Variants in RPH3A observed in about 807,000 individuals in gnomAD.
The protein encoded by RPH3A is rabphilin-3A.
Under a neutral mutation model 102.2 loss-of-function variants are expected in RPH3A, and 48 were observed. That is an observed-to-expected ratio of 0.47 (90% confidence interval 0.37 to 0.60). The LOEUF (loss-of-function observed/expected upper bound fraction) is 0.60, where lower values mean the gene tolerates loss of function less well. Ranked by LOEUF, RPH3A falls within the 20% of genes least tolerant of loss-of-function variation. The pLI, the probability that RPH3A is intolerant of heterozygous loss-of-function variation, is 0.00. For synonymous variants in RPH3A, 310 were observed against 324.3 expected (o/e 0.96, Z 0.47); for missense variants, 781 against 910.1 (o/e 0.86, Z 1.83).
At chr12:112,616,597 T>A (rs1472383255) in intron 1 of RPH3A, among the ~76,000 whole-genome samples, 1 of 152,114 alleles carries the variant, frequency 6.6e-6, no homozygotes, top group Non-Finnish European at 1.5e-5. Flanking sequence ...AGTGGGAGGA[T>A]TAAAAAATAA....
chr12:112,759,230 G>T (rs1474858778), intron 1 of RPH3A, among the ~76,000 whole-genome samples: 1 of 151,702 alleles, frequency 6.6e-6, no homozygotes, highest in Non-Finnish European at 1.5e-5. Flanking sequence ...GTGTGTGTTT[G>T]TGTGTGTGTG....
chr12:112,712,910 TTCTTCTTCTTCTTCC>T lies in RPH3A; in HGVS notation c.-139-79218_-139-79204del, dbSNP rs1302904984. The stretch of plus-strand genomic sequence containing the variant: ...CTTCTTCTTCTTCTTCTTCCTCTTC[TTCTTCTTCTTCTTCC>T]TCTTCTTCTTCTTCTTCTTCTTCTT... On this transcript the variant is annotated intron_variant, in intron 1 of 21. Transcript: ENST00000543106. 7.3e-3 allele frequency among the ~76,000 whole-genome samples: 805 copies of T among 110,388 alleles called. 33 individuals carry two copies. The highest frequency in any genetic ancestry group is 0.028 in the African/African-American group (733 of 26,448). The allele number at this position is 110,388 out of a possible 152,430, so 72.4% of individuals were successfully genotyped here. A position where few individuals can be genotyped will look rare whatever the true frequency, so the allele number is the denominator to read the frequency against.
At chr12:112,893,562 C>G (rs924538668) in intron 19 of RPH3A, 5 of 152,370 alleles carry the variant, frequency 3.3e-5, no homozygotes, top group African/African-American at 1.2e-4. Flanking sequence ...GGGTCTCGCT[C>G]TATTGCCCAG....
At chr12:112,610,454 G>T (rs1013232861) in intron 1 of RPH3A, among the ~76,000 whole-genome samples, 1 of 149,240 alleles carries the variant, frequency 6.7e-6, no homozygotes, top group East Asian at 2.0e-4. Context: ...AGGGAGCAGA[G>T]GTTGCACTAC....
At chr12:112,632,045 G>A (rs887163018) in intron 1 of RPH3A, among the ~76,000 whole-genome samples, 4 of 152,040 alleles carry the variant, frequency 2.6e-5, no homozygotes, top group Non-Finnish European at 5.9e-5. Context: ...GAATTATGGG[G>A]GTAGGTCTTT....
At chr12:112,852,761 T>C (rs573478360) in intron 5 of RPH3A, among the ~76,000 whole-genome samples, 1 of 152,320 alleles carries the variant, frequency 6.6e-6, no homozygotes, top group East Asian at 1.9e-4. Context: ...ACAGGACTTT[T>C]AGAATGTATT....
chr12:112,794,652 T>C (rs913118398), intron 2 of RPH3A, among the ~76,000 whole-genome samples: 3 of 152,170 alleles, frequency 2.0e-5, no homozygotes, highest in Non-Finnish European at 4.4e-5. Flanking sequence ...AGGGGGTTAG[T>C]GGATCCTCAA....
chr12:112,613,831 C>T (rs2039657164), intron 1 of RPH3A, among the ~76,000 whole-genome samples: 1 of 152,170 alleles, frequency 6.6e-6, no homozygotes, highest in Admixed American at 6.5e-5. Context: ...GTAATCCCAG[C>T]TACTCAGGAG....
At chr12:112,630,668 C>G (rs568914452) in intron 1 of RPH3A, among the ~76,000 whole-genome samples, 1 of 152,086 alleles carries the variant, frequency 6.6e-6, no homozygotes, top group African/African-American at 2.4e-5. Flanking sequence ...AGATTCTGGG[C>G]GGGGAACCAG....
At chr12:112,752,968 CT>C (rs3037266) in intron 1 of RPH3A, among the ~76,000 whole-genome samples, 16,247 of 118,834 alleles carry the variant, frequency 0.14, 861 homozygotes, top group South Asian at 0.18. Flanking sequence ...GTCCAGTTTT[CT>C]TTTTTTTTTT....
chr12:112,875,616 G>A, intron 11 of RPH3A, 63 bp from the exon 12 acceptor site: 1 of 1,418,638 alleles, frequency 7.0e-7, no homozygotes, highest in Non-Finnish European at 1.0e-6. Context: ...AAAGGAAAAG[G>A]TGAACCCCCA....
intron 1 of RPH3A, among the ~76,000 whole-genome samples, chr12:112,698,844 C>T (rs1006521713): frequency 4.0e-5 from 6 of 150,926 alleles, no homozygotes; most frequent in African/African-American, 1.5e-4. Context: ...TTCCCCTTTT[C>T]CTTCTCCTTC....
chr12:112,787,073 A>G (rs1404285990), upstream of RPH3A, among the ~76,000 whole-genome samples: 1 of 151,476 alleles, frequency 6.6e-6, no homozygotes, highest in Non-Finnish European at 1.5e-5. Flanking sequence ...CTCCCCCTAT[A>G]CTTCCATCCA....
chr12:112,887,802 C>A lies in RPH3A; in HGVS notation c.1442C>A (p.Ser481Tyr). ...EDMQRKTLRI[S>Y]VCDEDKFGHN... is the part of the protein sequence containing the mutation. ...CCCCCTTGTGTTGGTGGCAGGATCT[C>A]CGTCTGTGATGAGGACAAATTTGGC... is the stretch of plus-strand genomic sequence containing the variant. The change falls in exon 17 of 22, where the codon TCC (serine) becomes TAC (tyrosine). Residue 481 changes from serine to tyrosine, a missense_variant. Ser to Tyr is a moderately radical substitution (Grantham distance 144). Transcript: ENST00000389385. 6.2e-7 allele frequency: 1 copy of A among 1,613,432 alleles called. No homozygotes were observed. Among genetic ancestry groups the A allele is most frequent in the South Asian group, 1.1e-5 (1 of 91,022 alleles).
rs535995557 is a variant in RPH3A at position 112,798,939 on chromosome 12, A to G, written c.-19+6676A>G. ...CTCTCCTAACTCCTCTGCCTTCCTC[A>G]TCTCATCTTTAAGACACACAGAAAT... On this transcript the variant is annotated intron_variant, in intron 2 of 21. Transcript: ENST00000389385. Among the ~76,000 whole-genome samples the G allele has an allele frequency of 2.7e-5, 4 of 150,828 alleles. No individual in the cohort carries two copies. The South Asian group carries it at 8.4e-4, about 32-fold the overall frequency.
At chr12:112,611,990 A>G (rs1262331275) in intron 1 of RPH3A, among the ~76,000 whole-genome samples, 1 of 152,192 alleles carries the variant, frequency 6.6e-6, no homozygotes, top group South Asian at 2.1e-4. Context: ...TTCAGTTGTC[A>G]CTACCACATT....
chr12:112,886,860 C>T (rs912196118), intron 16 of RPH3A, among the ~76,000 whole-genome samples: 1 of 152,132 alleles, frequency 6.6e-6, no homozygotes, highest in African/African-American at 2.4e-5. Context: ...AAGTTCCTAG[C>T]CTGACTTTGC....
chr12:112,717,233 C>T (rs543824373), intron 1 of RPH3A, among the ~76,000 whole-genome samples: 32 of 152,038 alleles, frequency 2.1e-4, no homozygotes, highest in Non-Finnish European at 3.2e-4. Context: ...TGAGTTTTGA[C>T]GAATGCATAG....
intron 1 of RPH3A, among the ~76,000 whole-genome samples, chr12:112,669,596 G>A (rs910286106): frequency 2.6e-5 from 4 of 152,114 alleles, no homozygotes; most frequent in South Asian, 2.1e-4. Flanking sequence ...AATCCACAAA[G>A]CCAATCACTA....
Sources: gnomAD v4.1 joint callset for allele counts (sites outside exome capture counted in the v4.1 genomes callset) on GRCh38, gnomAD v4.1.1 for gene constraint, MANE v1.5 for transcripts, NCBI Gene and HGNC (gene_info 2026-07-23, HGNC 2026-07-21) for gene names.